ANKFN1: variants seen among roughly 807,000 people sequenced by gnomAD.
ANKFN1 encodes the protein ankyrin repeat and fibronectin type III domain containing 1.
Under a neutral mutation model 108.7 loss-of-function variants are expected in ANKFN1, and 74 were observed. That is an observed-to-expected ratio of 0.68 (90% CI 0.56 to 0.83). The LOEUF is 0.83. ANKFN1 is among the 40% of genes least tolerant of loss of function. The pLI is 0.00. For synonymous variants in ANKFN1, 547 were observed against 516.2 expected (o/e 1.06, Z -0.81); for missense variants, 1,505 against 1,382.3 (o/e 1.09, Z -1.41).
intron 11 of ANKFN1, among the ~76,000 whole-genome samples, chr17:56,455,040 A>C (rs2049638262): frequency 1.3e-5 from 2 of 152,002 alleles, no homozygotes; most frequent in Non-Finnish European, 2.9e-5. Flanking sequence ...TTTTTAGCTC[A>C]CACTCACCCC....
intron 4 of ANKFN1, among the ~76,000 whole-genome samples, chr17:56,143,768 G>A (rs1026978796): frequency 3.9e-5 from 6 of 152,106 alleles, no homozygotes; most frequent in African/African-American, 9.7e-5. Flanking sequence ...CAAGGAGAAG[G>A]CCAAGTGAAG....
chr17:56,185,072 C>G (rs1329028116), intron 1 of ANKFN1: 1 of 152,160 alleles, frequency 6.6e-6, no homozygotes, highest in Non-Finnish European at 1.5e-5. Flanking sequence ...GCCATCTTTG[C>G]TTTTTATCAA....
chr17:56,088,183 T>G (rs1213175391), intron 4 of ANKFN1, among the ~76,000 whole-genome samples: 1 of 151,326 alleles, frequency 6.6e-6, no homozygotes, highest in Non-Finnish European at 1.5e-5. Flanking sequence ...GTAAACTGAT[T>G]AACACATCTC....
chr17:56,100,671 G>C lies in ANKFN1; in HGVS notation c.288+54346G>C, dbSNP rs146573946. Among the ~76,000 whole-genome samples the C allele has an allele frequency of 2.3e-3, 346 of 152,286 alleles. 2 individuals are homozygous for C. The highest frequency in any genetic ancestry group is 7.9e-3 in the African/African-American group (327 of 41,564). ...TCAGAGGAGGCAGTAGGGTAACAGA[G>C]ACTTAGTAGTCTTCAGATACCCCTT... On this transcript the variant is annotated intron_variant, in intron 4 of 12. Transcript: ENST00000635860.
At position 56,274,256 on chromosome 17, in the gene ANKFN1, G is replaced by A. The variant is rs370496166; in HGVS notation, c.53+46299G>A. The stretch of plus-strand genomic sequence containing the variant: ...TGGGAGGCCGAGGCAGGCGGATCAC[G>A]AGGTCAGGAAATCGAGACCATCCTG... On this transcript the variant is annotated intron_variant, in intron 3 of 20. Coordinates refer to ENST00000682825, the MANE Select transcript of ANKFN1 (RefSeq NM_001370326.1). 1.2e-4 allele frequency among the ~76,000 whole-genome samples: 18 copies of A among 152,226 alleles called. 2 individuals are homozygous for A. Among genetic ancestry groups the A allele is most frequent in the African/African-American group, 4.3e-4 (18 of 41,554 alleles).
intron 16 of ANKFN1, 124 bp downstream of exon 16, chr17:56,477,778 A>T: frequency 2.0e-6 from 2 of 995,518 alleles, no homozygotes; most frequent in Non-Finnish European, 3.0e-6. Flanking sequence ...GTGTCCTCAG[A>T]TGCCACACTG....
intron 8 of ANKFN1, among the ~76,000 whole-genome samples, chr17:56,383,206 G>A (rs971154105): frequency 7.9e-5 from 12 of 152,022 alleles, no homozygotes; most frequent in African/African-American, 2.7e-4. Context: ...CATGGAAACC[G>A]AACAACCTGC....
chr17:56,490,678 A>G (rs940567810), intron 18 of ANKFN1, among the ~76,000 whole-genome samples: 1 of 152,184 alleles, frequency 6.6e-6, no homozygotes, highest in African/African-American at 2.4e-5. Context: ...CTGAGAGGGC[A>G]TATGAAATCA....
At chr17:56,215,055 T>C (rs1384423943) in intron 2 of ANKFN1, among the ~76,000 whole-genome samples, 1 of 152,232 alleles carries the variant, frequency 6.6e-6, no homozygotes, top group Non-Finnish European at 1.5e-5. Flanking sequence ...TCTGAAGATT[T>C]CCTGCATGAT....
intron 4 of ANKFN1, among the ~76,000 whole-genome samples, chr17:56,083,273 C>A (rs532714433): frequency 1.3e-5 from 2 of 151,330 alleles, no homozygotes; most frequent in Non-Finnish European, 3.0e-5. Flanking sequence ...AAACTGAAGC[C>A]TACACACTGG....
At chr17:56,482,913 C>A (rs2050757159) in intron 18 of ANKFN1, among the ~76,000 whole-genome samples, 1 of 152,034 alleles carries the variant, frequency 6.6e-6, no homozygotes, top group African/African-American at 2.4e-5. Flanking sequence ...CACTTCCTTT[C>A]TCTCTCCTTT....
intron 15 of ANKFN1, among the ~76,000 whole-genome samples, chr17:56,470,573 G>T (rs1183523860): frequency 6.6e-6 from 1 of 152,128 alleles, no homozygotes; most frequent in Non-Finnish European, 1.5e-5. Context: ...TAATCATTCT[G>T]TGGGGCATTT....
chr17:56,409,709 A>G (rs1402403793), intron 8 of ANKFN1, among the ~76,000 whole-genome samples: 4 of 152,320 alleles, frequency 2.6e-5, no homozygotes, highest in South Asian at 2.1e-4. Context: ...AGACAGCTAC[A>G]TCATGATTAT....
At chr17:56,192,644 T>G (rs1490762501) in intron 1 of ANKFN1, among the ~76,000 whole-genome samples, 1 of 39,916 alleles carries the variant, frequency 2.5e-5, no homozygotes, top group African/African-American at 1.2e-4. Flanking sequence ...AAAAAACACA[T>G]GAAAAAATGC....
intron 18 of ANKFN1, among the ~76,000 whole-genome samples, chr17:56,487,733 A>G (rs1270720704): frequency 2.0e-5 from 3 of 152,200 alleles, no homozygotes; most frequent in Non-Finnish European, 4.4e-5. Context: ...AAGCACTCCT[A>G]TAAGAGGCAG....
chr17:56,080,149 G>A (rs138981748), intron 4 of ANKFN1, among the ~76,000 whole-genome samples: 282 of 152,336 alleles, frequency 1.9e-3, no homozygotes, highest in African/African-American at 6.0e-3. Flanking sequence ...ATATGGAAAT[G>A]AGGGAGACAG....
intron 18 of ANKFN1, among the ~76,000 whole-genome samples, chr17:56,486,576 C>A (rs1453929822): frequency 6.6e-6 from 1 of 152,184 alleles, no homozygotes; most frequent in African/African-American, 2.4e-5. Flanking sequence ...TATATAGGAA[C>A]TTCCAAGGGC....
In ANKFN1 at chr17:56,515,950, C is replaced by T. The variant is rs73991562; in HGVS notation, c.*4681C>T. Among the ~76,000 whole-genome samples the T allele has an allele frequency of 0.041, 6,293 of 152,220 alleles. 326 individuals are homozygous for T. Among genetic ancestry groups the T allele is most frequent in the African/African-American group, 0.12 (5,067 of 41,514 alleles). On this transcript the variant is annotated 3_prime_UTR_variant, in exon 21 of 21. Coordinates refer to ENST00000682825, the MANE Select transcript of ANKFN1 (RefSeq NM_001370326.1). ...GATTTGTTGTTGTTTTAAATATTAT[C>T]ATAGGGTCTTTCTCCTACAGATTTT...
At chr17:56,252,982 A>T (rs771388162) in intron 3 of ANKFN1, among the ~76,000 whole-genome samples, 2 of 152,168 alleles carry the variant, frequency 1.3e-5, no homozygotes, top group African/African-American at 2.4e-5. Flanking sequence ...GGATTGCTTT[A>T]GCCCAGAAGT....
Sources: allele counts gnomAD v4.1 joint callset (sites outside exome capture counted in the v4.1 genomes callset), GRCh38; gene constraint gnomAD v4.1.1; transcripts MANE v1.5; gene names NCBI Gene and HGNC (gene_info 2026-07-23, HGNC 2026-07-21).